PROS1: variants seen among roughly 807,000 people sequenced by gnomAD.
PROS1 encodes protein S.
Under a neutral mutation model 75.9 loss-of-function variants are expected in PROS1, and 29 were observed. The observed-to-expected ratio is 0.38, with a 90% CI of 0.28 to 0.52. The LOEUF (loss-of-function observed/expected upper bound fraction) is 0.52. Ranked by LOEUF, PROS1 falls within the 20% of genes least tolerant of loss-of-function variation. The pLI, the probability that PROS1 is intolerant of heterozygous loss-of-function variation, is 0.83. For synonymous variants in PROS1, 245 were observed against 280.6 expected, an observed-to-expected ratio of 0.87 and a Z score of 1.27; for missense variants, 680 against 810.3, an observed-to-expected ratio of 0.84 and a Z score of 1.95.
In PROS1 at chr3:93,879,288, G is replaced by C; in HGVS notation, c.1519C>G (p.His507Asp). Residue 507 changes from histidine (H) to aspartate (D), a missense_variant, in exon 13 of 15, where the codon CAT becomes GAT. By Grantham distance (81) the His-to-Asp change is moderately conservative (BLOSUM62 -1). Transcript: ENST00000394236. ...CGAATATTCAAGGTCACATTTACAT[G>C]CCAACCCTCAGCACTGGATACATTA... ...YNNVSSAEGW[H>D]VNVTLNIRPS... The C allele has an allele frequency of 6.2e-7, 1 of 1,613,944 alleles. No homozygotes were observed.
chr3:93,892,963 A>T lies in PROS1; in HGVS notation c.1125T>A (p.Gly375=), dbSNP rs1188716672. The stretch of plus-strand genomic sequence containing the variant: ...TCCATAGACCATTATTAATAACATC[A>T]CCTCCAGTTGTGATTTTGGATGTAT... ...NEHTSKITTG[G]DVINNGLWNM... The change falls in exon 10 of 15, where the codon GGT becomes GGA. Residue 375 remains glycine, a synonymous_variant. Transcript: ENST00000394236. 2 of 1,612,396 alleles carry T rather than the reference A, an allele frequency of 1.2e-6. No homozygotes were observed. The highest frequency in any genetic ancestry group is 3.3e-5 in the Admixed American group (2 of 59,986).
chr3:93,918,511 C>A (rs1708894692), intron 3 of PROS1, among the ~76,000 whole-genome samples: 1 of 152,076 alleles, frequency 6.6e-6, no homozygotes, highest in African/African-American at 2.4e-5. Flanking sequence ...CACTCCTGAG[C>A]CAGCGAGACC....
Position 93,973,840 on chromosome 3 carries a change from C to T in PROS1, c.-91G>A. ...GCCGCGGAGCTGCGAGCCTGTGCGC[C>T]TCGGTCTGAGCCGTGCTGCGCGGCG... On this transcript the variant is annotated 5_prime_UTR_variant, in exon 1 of 15. Coordinates refer to ENST00000394236, the MANE Select transcript of PROS1 (RefSeq NM_000313.4). 2.5e-6 allele frequency: 3 copies of T among 1,203,058 alleles called. No homozygotes were observed. Among genetic ancestry groups the T allele is most frequent in the Non-Finnish European group, 3.5e-6 (3 of 866,924 alleles). 74.5% of individuals were successfully genotyped at this position (1,203,058 alleles called of 1,614,324 possible).
At chr3:93,893,738 T>A (rs1708464344) in intron 9 of PROS1, among the ~76,000 whole-genome samples, 1 of 152,174 alleles carries the variant, frequency 6.6e-6, no homozygotes, top group Non-Finnish European at 1.5e-5. Flanking sequence ...AGGTAAAATT[T>A]AAAAACTTAA....
chr3:93,910,181 A>T (rs1708738986), intron 4 of PROS1, among the ~76,000 whole-genome samples: 3 of 152,232 alleles, frequency 2.0e-5, no homozygotes, highest in Non-Finnish European at 4.4e-5. Flanking sequence ...GCCCCTTGTG[A>T]ACTTCAGAGC....
intron 1 of PROS1, among the ~76,000 whole-genome samples, chr3:93,931,503 T>A (rs1576200855): frequency 6.6e-6 from 1 of 152,182 alleles, no homozygotes; most frequent in African/African-American, 2.4e-5. Flanking sequence ...CAACAGTGAA[T>A]TATTTCAGTC....
chr3:93,909,232 G>A (rs1305798775), intron 4 of PROS1, among the ~76,000 whole-genome samples: 2 of 152,046 alleles, frequency 1.3e-5, no homozygotes, highest in East Asian at 3.9e-4. Flanking sequence ...GAGGCCAGGA[G>A]TCTGAGACCA....
At chr3:93,940,554 T>C (rs1324658966) in intron 1 of PROS1, among the ~76,000 whole-genome samples, 2 of 152,128 alleles carry the variant, frequency 1.3e-5, no homozygotes, top group African/African-American at 4.8e-5. Context: ...TATCCCCACC[T>C]TCCCAGCTCC....
At chr3:93,965,272 G>C (rs561895984) in intron 1 of PROS1, among the ~76,000 whole-genome samples, 1 of 152,240 alleles carries the variant, frequency 6.6e-6, no homozygotes, top group African/African-American at 2.4e-5. Context: ...TTTGCTCGCC[G>C]TCCACAACTG....
chr3:93,958,032 G>A (rs1373435077), intron 1 of PROS1, among the ~76,000 whole-genome samples: 10 of 151,930 alleles, frequency 6.6e-5, no homozygotes, highest in Non-Finnish European at 1.2e-4. Flanking sequence ...AGGTTGCAGT[G>A]AGCCGAGATC....
chr3:93,911,692 G>C (rs1306876866), intron 3 of PROS1, among the ~76,000 whole-genome samples: 1 of 152,176 alleles, frequency 6.6e-6, no homozygotes, highest in African/African-American at 2.4e-5. Context: ...AGTTCTCCAC[G>C]TGGGTGTTTC....
intron 12 of PROS1, among the ~76,000 whole-genome samples, chr3:93,880,879 G>T (rs1178550910): frequency 6.6e-6 from 1 of 151,538 alleles, no homozygotes; most frequent in African/African-American, 2.4e-5. Flanking sequence ...TTTTCCTTTG[G>T]CCAAATCACC....
rs1708203718 is a variant in PROS1 at position 93,877,198 on chromosome 3, A to C, written c.1645-7T>G. The C allele has an allele frequency of 1.3e-6, 2 of 1,571,598 alleles. No individual in the cohort carries two copies. The highest frequency in any genetic ancestry group is 2.7e-5 in the African/African-American group (2 of 74,082). On this transcript the variant is annotated splice_polypyrimidine_tract_variant and splice_region_variant and intron_variant, in intron 13 of 14. Transcript: ENST00000394236. The stretch of plus-strand genomic sequence containing the variant: ...CAACAGATAACAGAATATCCTGAAG[A>C]GCAGAGCAAAGATTCAATATAAGCA...
intron 1 of PROS1, among the ~76,000 whole-genome samples, chr3:93,940,910 C>A (rs1417022012): frequency 6.6e-6 from 1 of 152,196 alleles, no homozygotes; most frequent in Non-Finnish European, 1.5e-5. Flanking sequence ...TGCGCCTTAT[C>A]AACCAAACTG....
intron 1 of PROS1, among the ~76,000 whole-genome samples, chr3:93,955,803 A>C (rs1253203633): frequency 1.3e-5 from 2 of 152,186 alleles, no homozygotes; most frequent in African/African-American, 4.8e-5. Flanking sequence ...TGAACAGTTC[A>C]GATGGAGGAC....
intron 3 of PROS1, among the ~76,000 whole-genome samples, chr3:93,913,168 G>T (rs1350142652): frequency 6.6e-6 from 1 of 152,166 alleles, no homozygotes; most frequent in African/African-American, 2.4e-5. Flanking sequence ...ATTACTAAGT[G>T]TTTGGTAGTT....
chr3:93,957,401 T>C (rs903251013), intron 1 of PROS1, among the ~76,000 whole-genome samples: 9 of 152,196 alleles, frequency 5.9e-5, no homozygotes, highest in African/African-American at 1.9e-4. Context: ...TTAGATTGCA[T>C]TAAACATGGC....
chr3:93,923,399 G>GT (rs923559227), intron 3 of PROS1, among the ~76,000 whole-genome samples: 3 of 151,660 alleles, frequency 2.0e-5, no homozygotes, highest in African/African-American at 2.4e-5. Context: ...AGTTAACACT[G>GT]TTTTTTTAAT....
At chr3:93,879,420 A>G in intron 12 of PROS1, 106 bp from the exon 13 acceptor site, 1 of 1,416,814 alleles carries the variant, frequency 7.1e-7, no homozygotes, top group Non-Finnish European at 1.0e-6. Flanking sequence ...ATCTTGTGTA[A>G]TACTATTTCC....
Sources: gnomAD v4.1 joint callset for allele counts (sites outside exome capture counted in the v4.1 genomes callset) on GRCh38, gnomAD v4.1.1 for gene constraint, MANE v1.5 for transcripts, NCBI Gene and HGNC (gene_info 2026-07-23, HGNC 2026-07-21) for gene names.